SLIT1: variants seen among roughly 807,000 people sequenced by gnomAD.
SLIT1 encodes slit guidance ligand 1.
Under a neutral mutation model 186.1 loss-of-function variants are expected in SLIT1, and 66 were observed. That is an observed-to-expected ratio of 0.35 (90% CI 0.29 to 0.44). SLIT1 has a LOEUF of 0.44. Ranked by LOEUF, SLIT1 falls within the 20% of genes least tolerant of loss-of-function variation. SLIT1 has a pLI of 1.00. For missense variants in SLIT1, 1,638 were observed against 2,037.4 expected, an observed-to-expected ratio of 0.80 and a Z score of 3.77; for synonymous variants, 761 against 833.8, an observed-to-expected ratio of 0.91 and a Z score of 1.50.
At chr10:97,174,855 T>TA (rs1445028649) in intron 1 of SLIT1, among the ~76,000 whole-genome samples, 8 of 152,208 alleles carry the variant, frequency 5.3e-5, no homozygotes, top group Middle Eastern at 3.4e-3. Flanking sequence ...CAGCTCTTTT[T>TA]AAAAAAATAA....
chr10:97,116,475 C>A (rs1041067596), intron 4 of SLIT1, among the ~76,000 whole-genome samples: 2 of 152,056 alleles, frequency 1.3e-5, no homozygotes, highest in Non-Finnish European at 2.9e-5. Context: ...CACCCCCTAC[C>A]CACAGGTCTA....
In SLIT1 at chr10:97,014,094, G is replaced by A; in HGVS notation, c.3034C>T (p.His1012Tyr). The A allele has an allele frequency of 1.2e-6, 2 of 1,614,034 alleles. No homozygotes were observed. Among genetic ancestry groups the A allele is most frequent in the Non-Finnish European group, 1.7e-6 (2 of 1,180,008 alleles). Residue 1012 changes from histidine to tyrosine, a missense_variant, in exon 29 of 37, where the codon CAT becomes TAT. Physicochemically the swap from His to Tyr is moderately conservative, Grantham distance 83 (BLOSUM62 2). This residue lies in a region of SLIT1 where 1,245 missense variants were observed against 1,535.3 expected (regional missense o/e 0.81). Transcript: ENST00000266058. ...CGVNTDDCVDHACANGGVCVD... is the reference protein window; with the variant it reads ...CGVNTDDCVDYACANGGVCVD... ...CAGACGCCCCCATTGGCACAGGCATGATCCACACAGTCATCTGTGTTCACC... is the reference window on the plus strand; with the variant it reads ...CAGACGCCCCCATTGGCACAGGCATAATCCACACAGTCATCTGTGTTCACC...
intron 1 of SLIT1, among the ~76,000 whole-genome samples, chr10:97,177,458 T>C (rs1850271635): frequency 6.6e-6 from 1 of 152,218 alleles, no homozygotes; most frequent in Non-Finnish European, 1.5e-5. Flanking sequence ...TCTTGGCCTC[T>C]GCAATAGCTT....
intron 4 of SLIT1, among the ~76,000 whole-genome samples, chr10:97,073,288 C>G (rs1371966770): frequency 6.6e-6 from 1 of 152,230 alleles, no homozygotes; most frequent in Non-Finnish European, 1.5e-5. Flanking sequence ...CCTTCATCTT[C>G]CTCAGACCCA....
chr10:97,135,868 C>A (rs1190849861), intron 4 of SLIT1, among the ~76,000 whole-genome samples: 1 of 152,134 alleles, frequency 6.6e-6, no homozygotes, highest in Non-Finnish European at 1.5e-5. Flanking sequence ...ATTTTACCTG[C>A]TCCATAGAAA....
rs1848278154 is a variant in SLIT1 at position 96,999,256 on chromosome 10, GC to G, written c.*1855del. The G allele has an allele frequency of 6.6e-6, 1 of 152,274 alleles. No individual in the cohort carries two copies. Among genetic ancestry groups the G allele is most frequent in the African/African-American group, 2.4e-5 (1 of 41,442 alleles). 9.4% of individuals were successfully genotyped at this position (152,274 alleles called of 1,614,324 possible). On this transcript the variant is annotated 3_prime_UTR_variant, in exon 37 of 37. Transcript: ENST00000266058. The stretch of plus-strand genomic sequence containing the variant: ...GTAGATCCCAGCCCCCTGGTGAGGG[GC>G]AGATCCTGCCATGAGGACACCTGCC...
At chr10:97,126,173 G>C (rs189047478) in intron 4 of SLIT1, among the ~76,000 whole-genome samples, 4 of 152,268 alleles carry the variant, frequency 2.6e-5, no homozygotes, top group African/African-American at 9.6e-5. Flanking sequence ...ATAACTTTCC[G>C]ATGTGAAGGT....
chr10:97,117,332 A>G (rs1393613767), intron 4 of SLIT1, among the ~76,000 whole-genome samples: 1 of 152,210 alleles, frequency 6.6e-6, no homozygotes, highest in Admixed American at 6.5e-5. Flanking sequence ...CGTCTATTAA[A>G]TAATTATAAG....
In SLIT1 at chr10:97,022,263, C is replaced by A. The variant is rs918249402; in HGVS notation, c.2583-850G>T. ...GCAGCCCCTGGATCCAGATGTGCCGCTGTCTGCCTCCGAAGCCCATGCTCT... is the reference window on the plus strand; with the variant it reads ...GCAGCCCCTGGATCCAGATGTGCCGATGTCTGCCTCCGAAGCCCATGCTCT... On this transcript the variant is annotated intron_variant, in intron 25 of 36. Transcript: ENST00000266058. This position sits in a 1 kb window ranked among gnomAD's most constrained non-coding sequence, Gnocchi z 4.2. Among the ~76,000 whole-genome samples the A allele has an allele frequency of 2.0e-5, 3 of 152,248 alleles. No homozygotes were observed. Among genetic ancestry groups the A allele is most frequent in the Non-Finnish European group, 4.4e-5 (3 of 68,042 alleles).
intron 4 of SLIT1, among the ~76,000 whole-genome samples, chr10:97,069,894 C>T (rs1848986081): frequency 6.6e-6 from 1 of 152,146 alleles, no homozygotes; most frequent in East Asian, 1.9e-4. Context: ...ATGATGGAAA[C>T]GGTAATGGAT....
At chr10:97,180,817 C>T (rs1374478443) in intron 1 of SLIT1, among the ~76,000 whole-genome samples, 1 of 152,270 alleles carries the variant, frequency 6.6e-6, no homozygotes, top group African/African-American at 2.4e-5. Context: ...ATCCTTACCT[C>T]CCGAGCTCTC....
chr10:97,125,857 C>CAA (rs1053873689), intron 4 of SLIT1, among the ~76,000 whole-genome samples: 12 of 149,780 alleles, frequency 8.0e-5, no homozygotes, highest in Admixed American at 6.7e-5. Flanking sequence ...CAAAAAAAAA[C>CAA]AAAAAAAACA....
At chr10:97,161,035 G>T (rs1315188245) in intron 3 of SLIT1, among the ~76,000 whole-genome samples, 1 of 152,146 alleles carries the variant, frequency 6.6e-6, no homozygotes, top group East Asian at 1.9e-4. Context: ...GGTATGTGTG[G>T]TTTTTAATGA....
At chr10:97,181,131 C>T (rs1305926214) in intron 1 of SLIT1, among the ~76,000 whole-genome samples, 1 of 152,174 alleles carries the variant, frequency 6.6e-6, no homozygotes, top group Non-Finnish European at 1.5e-5. Context: ...GGGGTCCTAA[C>T]ACCAGTCATT....
chr10:97,119,666 A>G (rs2636816), intron 4 of SLIT1, among the ~76,000 whole-genome samples: 119,982 of 149,742 alleles, frequency 0.8, 48,312 homozygotes, highest in Admixed American at 0.85. Context: ...TGACCCCCAG[A>G]GACAGGCAGG....
rs1358717050 is a variant in SLIT1, at chr10:97,046,742, C to T, written c.1765G>A (p.Ala589Thr). Residue 589 changes from alanine (A) to threonine (T), a missense_variant, in exon 18 of 37, where the codon GCC becomes ACC. Physicochemically the swap from Ala to Thr is moderately conservative, Grantham distance 58 (BLOSUM62 0). This residue lies in a region of SLIT1 where 1,245 missense variants were observed against 1,535.3 expected (regional missense o/e 0.81). Coordinates refer to ENST00000266058, the MANE Select transcript of SLIT1 (RefSeq NM_003061.3). ...EIEDGAFEGA[A>T]SVSELHLTAN... ...GTTAGGTGCAGCTCGCTCACAGAGG[C>T]TGCGCCCTCGAAGGCCCCATCTTCA... The T allele has an allele frequency of 6.2e-7, 1 of 1,612,596 alleles. No individual in the cohort carries two copies.
chr10:97,047,635 G>GA, intron 16 of SLIT1, 55 bp downstream of exon 16: 1 of 1,548,300 alleles, frequency 6.5e-7, no homozygotes, highest in Non-Finnish European at 8.9e-7. Flanking sequence ...GTAGGCCAAG[G>GA]AGGGTTAGTG....
rs967242559 is a variant in SLIT1, at chr10:97,082,535, C to T, written c.414-16449G>A. Among the ~76,000 whole-genome samples the T allele has an allele frequency of 3.3e-5, 5 of 151,916 alleles. No homozygotes were observed. In the South Asian group the frequency reaches 6.2e-4, roughly 19 times the overall value. On this transcript the variant is annotated intron_variant, in intron 4 of 36. Coordinates refer to ENST00000266058, the MANE Select transcript of SLIT1 (RefSeq NM_003061.3). ...CTGGAAGCTCCGCCTTCTGGGTTCA[C>T]GTCATTCTCCTGCCTCAGCCTCCCA...
At chr10:97,053,616 A>G (rs1226483497) in intron 13 of SLIT1, among the ~76,000 whole-genome samples, 1 of 152,190 alleles carries the variant, frequency 6.6e-6, no homozygotes, top group Non-Finnish European at 1.5e-5. Context: ...CAATGGACAC[A>G]ATAATATTAA....
Sources: allele counts gnomAD v4.1 joint callset (sites outside exome capture counted in the v4.1 genomes callset), GRCh38; gene constraint gnomAD v4.1.1; regional missense constraint gnomAD v4.1.1; non-coding constraint Gnocchi (gnomAD v3.1); transcripts MANE v1.5; gene names NCBI Gene and HGNC (gene_info 2026-07-23, HGNC 2026-07-21).